CDH23: variants seen among roughly 807,000 people sequenced by gnomAD.
CDH23 encodes the protein cadherin-23.
CDH23 carries 189 observed loss-of-function variants against 317.1 expected under a neutral mutation model. The observed-to-expected ratio is 0.60, with a 90% CI of 0.53 to 0.67. CDH23 has a LOEUF of 0.67. CDH23 is among the 30% of genes least tolerant of loss of function. The probability of loss-of-function intolerance (pLI) is 0.00; values close to 1 mark genes in which losing one functional copy is unlikely to be tolerated. For missense variants in CDH23, 4,401 were observed against 4,592.4 expected, an observed-to-expected ratio of 0.96 and a Z score of 1.20; for synonymous variants, 1,839 against 1,876.8, an observed-to-expected ratio of 0.98 and a Z score of 0.52.
chr10:71,680,756 AAAAAAAAG>A (rs1405695707), intron 17 of CDH23, among the ~76,000 whole-genome samples: 4 of 145,856 alleles, frequency 2.7e-5, no homozygotes, highest in Non-Finnish European at 6.0e-5. Context: ...CAAAAAAAAA[AAAAAAAAG>A]AAAAAGAAAT....
chr10:71,812,032 C>T lies in CDH23; in HGVS notation c.9380+17C>T, dbSNP rs553975052. 6 of 1,613,854 alleles carry T rather than the reference C, an allele frequency of 3.7e-6. No homozygotes were observed. Among genetic ancestry groups the T allele is most frequent in the Non-Finnish European group, 5.1e-6 (6 of 1,179,882 alleles). On this transcript the variant is annotated intron_variant, in intron 66 of 69. Transcript: ENST00000224721. The stretch of plus-strand genomic sequence containing the variant: ...CTTTGATGGGTGAGTGGGGTACTGG[C>T]CCTGCCCGGTCCCCTGCGGGGAGTC...
At chr10:71,541,824 G>A (rs984683116) in intron 6 of CDH23, among the ~76,000 whole-genome samples, 2 of 152,208 alleles carry the variant, frequency 1.3e-5, no homozygotes, top group Admixed American at 6.5e-5. Context: ...TGAGGACAAC[G>A]TGTTCCAATA....
intron 14 of CDH23, among the ~76,000 whole-genome samples, chr10:71,649,196 C>G (rs1319164206): frequency 6.6e-6 from 1 of 152,174 alleles, no homozygotes; most frequent in Non-Finnish European, 1.5e-5. Context: ...CACCCGGCAG[C>G]TCTCTGCTCA....
chr10:71,420,545 G>A (rs796798686), intron 1 of CDH23, among the ~76,000 whole-genome samples: 4 of 50,984 alleles, frequency 7.8e-5, no homozygotes, highest in East Asian at 1.4e-3. Flanking sequence ...GATGATGATG[G>A]TGATATGATG....
chr10:71,432,735 C>T (rs1849454203), intron 1 of CDH23, among the ~76,000 whole-genome samples: 1 of 152,158 alleles, frequency 6.6e-6, no homozygotes, highest in Non-Finnish European at 1.5e-5. Flanking sequence ...GGGAGCAATC[C>T]GACCTCCTCG....
intron 1 of CDH23, among the ~76,000 whole-genome samples, chr10:71,434,608 T>C (rs1849538658): frequency 6.6e-6 from 1 of 152,118 alleles, no homozygotes; most frequent in Non-Finnish European, 1.5e-5. Flanking sequence ...CAGCCAGCCC[T>C]CAGCCCAGAG....
At chr10:71,592,061 T>G (rs949232799) in intron 9 of CDH23, among the ~76,000 whole-genome samples, 1 of 152,004 alleles carries the variant, frequency 6.6e-6, no homozygotes, top group African/African-American at 2.4e-5. Context: ...ATGAACAGAC[T>G]GACCAGACTG....
At chr10:71,706,782 G>A (rs988150563) in intron 25 of CDH23, 115 bp from the exon 26 acceptor site, 46 of 1,472,700 alleles carry the variant, frequency 3.1e-5, no homozygotes, top group Admixed American at 1.7e-4. Flanking sequence ...CTTGGAGCCC[G>A]TGACTCCCTT....
At chr10:71,461,628 G>C (rs375306089) in intron 3 of CDH23, among the ~76,000 whole-genome samples, 1 of 152,174 alleles carries the variant, frequency 6.6e-6, no homozygotes, top group Admixed American at 6.5e-5. Flanking sequence ...CTCCATGCAC[G>C]GTCCATCACC....
At chr10:71,504,476 C>G (rs1564620366) in intron 3 of CDH23, among the ~76,000 whole-genome samples, 1 of 152,204 alleles carries the variant, frequency 6.6e-6, no homozygotes, top group Non-Finnish European at 1.5e-5. Context: ...ATACTTGGAT[C>G]GCTTCCCCCT....
At chr10:71,404,052 A>G (rs894717163) in intron 1 of CDH23, among the ~76,000 whole-genome samples, 2 of 152,226 alleles carry the variant, frequency 1.3e-5, no homozygotes, top group African/African-American at 2.4e-5. Context: ...AGATCGTGCC[A>G]CTGCACTCCA....
At chr10:71,713,238 G>A (rs778364737) in intron 28 of CDH23, 1 of 779,242 alleles carries the variant, frequency 1.3e-6, no homozygotes, top group South Asian at 1.3e-5. Flanking sequence ...AAGTAAACAG[G>A]CACAAGAAGA....
intron 66 of CDH23, 166 bp from the exon 67 acceptor site, chr10:71,812,314 A>T (rs780052822): frequency 1.3e-6 from 2 of 1,598,662 alleles, no homozygotes; most frequent in African/African-American, 2.7e-5. Context: ...TTCCAGCAGG[A>T]TCCTATGGTG....
chr10:71,569,991 C>G (rs1336440105), intron 7 of CDH23, among the ~76,000 whole-genome samples: 3 of 152,072 alleles, frequency 2.0e-5, no homozygotes, highest in African/African-American at 7.2e-5. Context: ...GCCTCGAACT[C>G]CTGGGCTCAA....
intron 9 of CDH23, among the ~76,000 whole-genome samples, chr10:71,595,821 G>A (rs752420967): frequency 6.6e-6 from 1 of 152,146 alleles, no homozygotes; most frequent in Non-Finnish European, 1.5e-5. Flanking sequence ...GCCAGCAATT[G>A]GCACCAAACC....
At chr10:71,430,300 A>G (rs1849309777) in intron 1 of CDH23, among the ~76,000 whole-genome samples, 1 of 152,110 alleles carries the variant, frequency 6.6e-6, no homozygotes, top group Non-Finnish European at 1.5e-5. Flanking sequence ...ACTCAAAAAA[A>G]AAAAAGTGAG....
At chr10:71,760,198 C>CATATATATGTGTGTATATATATGTATAT (rs1840323109) in intron 38 of CDH23, among the ~76,000 whole-genome samples, 1 of 49,886 alleles carries the variant, frequency 2.0e-5, no homozygotes. Flanking sequence ...TATGTATATA[C>CATATATATGTGTGTATATATATGTATAT]ATATATATGT....
chr10:71,422,654 G>T (rs566599481), intron 1 of CDH23, among the ~76,000 whole-genome samples: 16 of 152,284 alleles, frequency 1.1e-4, no homozygotes, highest in African/African-American at 3.1e-4. Context: ...GAGGAGCTAG[G>T]CCCCCTGGGA....
At position 71,732,080 on chromosome 10, in the gene CDH23, A is replaced by T; in HGVS notation, c.3809A>T (p.Tyr1270Phe). 1 of 1,614,006 alleles carries T rather than the reference A, an allele frequency of 6.2e-7. No homozygotes were observed. Among genetic ancestry groups the T allele is most frequent in the African/African-American group, 1.3e-5 (1 of 75,044 alleles). The change falls in exon 32 of 70, where the codon TAC (tyrosine) becomes TTC (phenylalanine). Residue 1270 changes from tyrosine (Y) to phenylalanine (F), a missense_variant. Coordinates refer to ENST00000224721, the MANE Select transcript of CDH23 (RefSeq NM_022124.6). The part of the protein sequence containing the change: ...ESTGLIITVN[Y>F]LDYETKTSYM... ...ACAGGGCTTATCATCACCGTGAATTACCTGGACTACGAGACCAAGACCAGC... is the reference window on the plus strand; with the variant it reads ...ACAGGGCTTATCATCACCGTGAATTTCCTGGACTACGAGACCAAGACCAGC...
Sources: allele counts gnomAD v4.1 joint callset (sites outside exome capture counted in the v4.1 genomes callset), GRCh38; gene constraint gnomAD v4.1.1; transcripts MANE v1.5; gene names NCBI Gene and HGNC (gene_info 2026-07-23, HGNC 2026-07-21).